RBFOX1: variants seen among roughly 807,000 people sequenced by gnomAD.
The protein encoded by RBFOX1 is RNA binding fox-1 homolog 1.
A neutral mutation model predicts 57.7 loss-of-function variants in RBFOX1; 8 were observed. That is an observed-to-expected ratio of 0.14 (90% CI 0.08 to 0.25). RBFOX1 has a LOEUF of 0.25. Among genes scored for constraint, RBFOX1 ranks in the 10% least tolerant of loss-of-function variants. RBFOX1 has a pLI of 1.00. For synonymous variants in RBFOX1, 326 were observed against 222.4 expected, an observed-to-expected ratio of 1.47 and a Z score of -4.15; for missense variants, 611 against 548.5, an observed-to-expected ratio of 1.11 and a Z score of -1.14.
intron 3 of RBFOX1, among the ~76,000 whole-genome samples, chr16:5,830,206 C>T (rs746605283): frequency 4.6e-5 from 7 of 151,976 alleles, no homozygotes; most frequent in South Asian, 2.1e-4. Context: ...AGACCATTTG[C>T]CCCGCAGTTG....
chr16:6,841,191 G>T (rs1488790298), intron 3 of RBFOX1, among the ~76,000 whole-genome samples: 1 of 152,042 alleles, frequency 6.6e-6, no homozygotes, highest in Non-Finnish European at 1.5e-5. Context: ...CTAAGACAAT[G>T]ATTATGAAAA....
intron 3 of RBFOX1, among the ~76,000 whole-genome samples, chr16:5,800,536 G>T (rs547293548): frequency 2.0e-5 from 3 of 152,222 alleles, no homozygotes; most frequent in Admixed American, 6.5e-5. Flanking sequence ...GCACAAATAA[G>T]GGAGAGTTGG....
intron 4 of RBFOX1, among the ~76,000 whole-genome samples, chr16:7,305,617 A>G (rs1017118029): frequency 6.6e-6 from 1 of 152,096 alleles, no homozygotes; most frequent in Non-Finnish European, 1.5e-5. Flanking sequence ...CTTCCCCAAG[A>G]CCCTCAATTT....
chr16:6,739,240 A>C lies in RBFOX1; in HGVS notation c.-16+84590A>C, dbSNP rs558152303. ...GGCAAACTTCTAGTAGGGATGATAG[A>C]AAAAAAAAAAGAAGGGAATAATTAC... On this transcript the variant is annotated intron_variant, in intron 3 of 15. Transcript: ENST00000550418. 3.7e-5 allele frequency among the ~76,000 whole-genome samples: 4 copies of C among 108,950 alleles called. No homozygotes were observed. In the South Asian group the frequency reaches 1.5e-3, roughly 41 times the overall value. 71.5% of individuals were successfully genotyped at this position (108,950 alleles called of 152,430 possible).
At chr16:6,611,864 G>A (rs1482519326) in intron 2 of RBFOX1, among the ~76,000 whole-genome samples, 1 of 152,016 alleles carries the variant, frequency 6.6e-6, no homozygotes, top group African/African-American at 2.4e-5. Context: ...GTCCACCATG[G>A]CACGTGACCC....
At chr16:7,116,199 C>G (rs1261552012) in intron 4 of RBFOX1, among the ~76,000 whole-genome samples, 2 of 152,126 alleles carry the variant, frequency 1.3e-5, no homozygotes, top group African/African-American at 4.8e-5. Flanking sequence ...CATCTTAGGT[C>G]TCAGTTCATT....
intron 4 of RBFOX1, among the ~76,000 whole-genome samples, chr16:5,880,594 T>G (rs117941181): frequency 6.6e-6 from 1 of 152,298 alleles, no homozygotes; most frequent in Non-Finnish European, 1.5e-5. Context: ...GCTAAAGACC[T>G]GCTAGAGGTC....
chr16:7,567,405 C>A (rs1387572483), intron 5 of RBFOX1, among the ~76,000 whole-genome samples: 1 of 99,772 alleles, frequency 1.0e-5, no homozygotes, highest in Non-Finnish European at 2.1e-5. Context: ...ATATATATAT[C>A]CCTATATATA....
intron 3 of RBFOX1, among the ~76,000 whole-genome samples, chr16:6,980,660 C>G (rs1007593719): frequency 6.6e-6 from 1 of 152,112 alleles, no homozygotes; most frequent in Non-Finnish European, 1.5e-5. Flanking sequence ...CAAGGAAGAA[C>G]ACAATACAGC....
chr16:5,545,008 G>T (rs141326620), intron 2 of RBFOX1, among the ~76,000 whole-genome samples: 3 of 132,040 alleles, frequency 2.3e-5, no homozygotes, highest in Non-Finnish European at 3.2e-5. Flanking sequence ...ACGGAGTCTC[G>T]CTCTGTCTTC....
chr16:7,422,388 T>C (rs2098551421), intron 4 of RBFOX1, among the ~76,000 whole-genome samples: 1 of 152,164 alleles, frequency 6.6e-6, no homozygotes, highest in South Asian at 2.1e-4. Flanking sequence ...TCGGAGGTAA[T>C]AATGTCCGAC....
chr16:6,381,124 TTGTC>T (rs974135998), intron 2 of RBFOX1, among the ~76,000 whole-genome samples: 16 of 152,144 alleles, frequency 1.1e-4, no homozygotes, highest in Admixed American at 9.2e-4. Context: ...ACAAAAGAAT[TTGTC>T]TGAGAGCTGG....
chr16:5,245,711 C>T lies in RBFOX1; in HGVS notation c.219+5606C>T, dbSNP rs1432700033. 2.6e-5 allele frequency among the ~76,000 whole-genome samples: 4 copies of T among 152,142 alleles called. No individual in the cohort carries two copies. The East Asian group carries it at 7.7e-4, about 29-fold the overall frequency. On this transcript the variant is annotated intron_variant, in intron 1 of 2. Coordinates refer to the RBFOX1 transcript ENST00000585867. The stretch of plus-strand genomic sequence containing the variant: ...CCTCCCAAAGTGCTGGGATTATAGG[C>T]ATGAGCCACCATGCCTGACCATTTT...
At chr16:6,978,010 G>C (rs1019808530) in intron 3 of RBFOX1, among the ~76,000 whole-genome samples, 2 of 150,332 alleles carry the variant, frequency 1.3e-5, no homozygotes, top group Non-Finnish European at 2.9e-5. Flanking sequence ...CAGCATTCTT[G>C]TGTGTTTATT....
rs112548606 is a variant in RBFOX1, at chr16:7,640,904, T to TAAAA, written c.757+10231_757+10234dup. 3.3e-4 allele frequency among the ~76,000 whole-genome samples: 48 copies of TAAAA among 147,164 alleles called. No homozygotes were observed. The East Asian group carries it at 7.0e-3, about 22-fold the overall frequency. ...TCCCCAAACTAATGTGGATTTACAT[T>TAAAA]AAAAAAAAAAAAAGGAATCCATTTT... is the stretch of plus-strand genomic sequence containing the variant. On this transcript the variant is annotated intron_variant, in intron 11 of 15. Coordinates refer to ENST00000550418, the MANE Select transcript of RBFOX1 (RefSeq NM_018723.4).
chr16:5,769,164 A>C (rs2053891926), intron 3 of RBFOX1, among the ~76,000 whole-genome samples: 1 of 152,156 alleles, frequency 6.6e-6, no homozygotes, highest in Admixed American at 6.5e-5. Context: ...TTTTGATGGG[A>C]AACACCTTAT....
chr16:6,925,340 G>T (rs564426707), intron 3 of RBFOX1, among the ~76,000 whole-genome samples: 6 of 151,308 alleles, frequency 4.0e-5, no homozygotes, highest in African/African-American at 7.3e-5. Flanking sequence ...GGCCAGGCTG[G>T]TCTTGAACTC....
At chr16:6,516,877 G>A (rs2096389894) in intron 2 of RBFOX1, among the ~76,000 whole-genome samples, 1 of 152,168 alleles carries the variant, frequency 6.6e-6, no homozygotes, top group African/African-American at 2.4e-5. Flanking sequence ...TGGGAATGTT[G>A]CATTTGAAAA....
At chr16:5,876,652 A>G (rs2057620250) in intron 4 of RBFOX1, among the ~76,000 whole-genome samples, 2 of 152,162 alleles carry the variant, frequency 1.3e-5, no homozygotes, top group African/African-American at 4.8e-5. Flanking sequence ...ACCCATTCCC[A>G]GAACCATATA....
Sources: allele counts gnomAD v4.1 joint callset (sites outside exome capture counted in the v4.1 genomes callset), GRCh38; gene constraint gnomAD v4.1.1; transcripts MANE v1.5; gene names NCBI Gene and HGNC (gene_info 2026-07-23, HGNC 2026-07-21).